Variants in GRID2 observed in about 807,000 individuals in gnomAD.
The protein encoded by GRID2 is glutamate ionotropic receptor delta type subunit 2.
In GRID2, 33 loss-of-function variants were observed where a neutral mutation model predicts 114.8. The ratio of observed to expected loss-of-function variants is 0.29; its 90% CI spans 0.22 to 0.38. The LOEUF (loss-of-function observed/expected upper bound fraction) is 0.38, where lower values mean the gene tolerates loss of function less well. Among genes scored for constraint, GRID2 ranks in the 10% least tolerant of loss-of-function variants. GRID2 has a pLI of 1.00. For missense variants in GRID2, 1,184 were observed against 1,257.7 expected, an observed-to-expected ratio of 0.94 and a Z score of 0.89; for synonymous variants, 505 against 449.9, an observed-to-expected ratio of 1.12 and a Z score of -1.55.
chr4:93,211,967 A>AGT (rs1743536665), intron 5 of GRID2, among the ~76,000 whole-genome samples: 1 of 65,708 alleles, frequency 1.5e-5, no homozygotes, highest in East Asian at 3.6e-4. Context: ...TCAGAAAATG[A>AGT]CTTACATTTT....
intron 2 of GRID2, among the ~76,000 whole-genome samples, chr4:92,771,164 T>C (rs1333362648): frequency 1.3e-5 from 2 of 152,208 alleles, no homozygotes; most frequent in Non-Finnish European, 2.9e-5. Flanking sequence ...ACATTCTTTA[T>C]TAATCTCAGA....
intron 8 of GRID2, among the ~76,000 whole-genome samples, chr4:93,264,095 C>G (rs530699265): frequency 6.6e-6 from 1 of 152,284 alleles, no homozygotes; most frequent in South Asian, 2.1e-4. Flanking sequence ...TGTAGGGCTT[C>G]TATGTTGAAC....
chr4:92,697,574 T>G (rs940726907), intron 2 of GRID2, among the ~76,000 whole-genome samples: 25 of 152,156 alleles, frequency 1.6e-4, no homozygotes, highest in Non-Finnish European at 1.9e-4. Context: ...GGGAGTCTTT[T>G]GTAGTAATAT....
At chr4:92,629,563 C>G (rs1307306116) in intron 2 of GRID2, among the ~76,000 whole-genome samples, 2 of 151,950 alleles carry the variant, frequency 1.3e-5, no homozygotes, top group African/African-American at 2.4e-5. Context: ...TTCTTTCTGT[C>G]AGACACAATT....
chr4:93,491,516 C>T (rs1199426348), intron 12 of GRID2, among the ~76,000 whole-genome samples: 1 of 151,882 alleles, frequency 6.6e-6, no homozygotes, highest in African/African-American at 2.4e-5. Context: ...ATAAGATCAA[C>T]ACCACAGTAT....
intron 1 of GRID2, among the ~76,000 whole-genome samples, chr4:92,512,048 T>A (rs916372545): frequency 1.6e-5 from 1 of 63,026 alleles, no homozygotes; most frequent in African/African-American, 5.6e-5. Flanking sequence ...GACCATTCTA[T>A]TTTTTTTTTT....
At chr4:93,416,859 T>C (rs1767762497) in intron 9 of GRID2, among the ~76,000 whole-genome samples, 1 of 152,090 alleles carries the variant, frequency 6.6e-6, no homozygotes, top group African/African-American at 2.4e-5. Context: ...AACACCCTTT[T>C]CTACAAGCAG....
chr4:93,327,895 C>T (rs768687862), intron 8 of GRID2, among the ~76,000 whole-genome samples: 60 of 152,098 alleles, frequency 3.9e-4, no homozygotes, highest in African/African-American at 1.1e-3. Flanking sequence ...TATAAATAGA[C>T]GTGCCCACTA....
rs60281653 is a variant in GRID2 at position 93,028,483 on chromosome 4, T to A, written c.245-56512T>A. The stretch of plus-strand genomic sequence containing the variant: ...AAAGGTAAATTACCTAGCGCCTTTA[T>A]AAGGAAGAGTGAAATAATAAATCAT... On this transcript the variant is annotated intron_variant, in intron 2 of 15. Transcript: ENST00000282020. Among the ~76,000 whole-genome samples the A allele has an allele frequency of 9.8e-3, 1,486 of 152,088 alleles. 28 individuals are homozygous for A. The highest frequency in any genetic ancestry group is 0.034 in the African/African-American group (1,404 of 41,488).
intron 1 of GRID2, among the ~76,000 whole-genome samples, chr4:92,485,711 G>A (rs1722852714): frequency 1.3e-5 from 2 of 151,536 alleles, no homozygotes; most frequent in African/African-American, 2.4e-5. Flanking sequence ...AAAGAAAAAT[G>A]AGAGAGAGAA....
intron 1 of GRID2, among the ~76,000 whole-genome samples, chr4:92,457,304 A>G (rs967824925): frequency 6.6e-6 from 1 of 152,088 alleles, no homozygotes; most frequent in Admixed American, 6.6e-5. Flanking sequence ...TGCTGTTTTT[A>G]TAGCACTTTT....
At chr4:92,335,519 A>G (rs1727120499) in intron 1 of GRID2, among the ~76,000 whole-genome samples, 1 of 152,226 alleles carries the variant, frequency 6.6e-6, no homozygotes, top group African/African-American at 2.4e-5. Context: ...GAAGCTGCTG[A>G]ATCTCAATTA....
At chr4:93,465,404 C>T (rs368872916) in intron 11 of GRID2, among the ~76,000 whole-genome samples, 1 of 152,276 alleles carries the variant, frequency 6.6e-6, no homozygotes, top group Non-Finnish European at 1.5e-5. Context: ...AACTAAACTA[C>T]TCTTTTCATG....
chr4:92,584,466 A>C (rs1728328962), intron 1 of GRID2, among the ~76,000 whole-genome samples: 1 of 151,984 alleles, frequency 6.6e-6, no homozygotes, highest in South Asian at 2.1e-4. Flanking sequence ...CAGAACTGTA[A>C]ATCCTACTGT....
At chr4:92,677,425 A>G (rs568726393) in intron 2 of GRID2, among the ~76,000 whole-genome samples, 3 of 152,302 alleles carry the variant, frequency 2.0e-5, no homozygotes, top group East Asian at 1.9e-4. Context: ...GTTAAATTTA[A>G]TAACTCTTAG....
At chr4:92,590,764 C>G (rs760239337) in intron 2 of GRID2, among the ~76,000 whole-genome samples, 1 of 152,130 alleles carries the variant, frequency 6.6e-6, no homozygotes, top group African/African-American at 2.4e-5. Flanking sequence ...TACTGACCTA[C>G]GCTATAAATT....
intron 2 of GRID2, among the ~76,000 whole-genome samples, chr4:92,695,692 C>A (rs1734395212): frequency 1.3e-5 from 2 of 152,056 alleles, no homozygotes; most frequent in South Asian, 4.1e-4. Context: ...GTTTTGTAAT[C>A]TCCTCTTTTC....
chr4:93,310,591 A>C (rs1402880984), intron 8 of GRID2, among the ~76,000 whole-genome samples: 1 of 152,168 alleles, frequency 6.6e-6, no homozygotes, highest in Non-Finnish European at 1.5e-5. Flanking sequence ...TTGTGTGGAA[A>C]ATCCTTAAAT....
At chr4:93,602,625 T>TG (rs1739801578) in intron 13 of GRID2, among the ~76,000 whole-genome samples, 1 of 152,186 alleles carries the variant, frequency 6.6e-6, no homozygotes, top group Non-Finnish European at 1.5e-5. Flanking sequence ...AATCAGTAAA[T>TG]GTGTTTGTTC....
Sources: gnomAD v4.1 joint callset for allele counts (sites outside exome capture counted in the v4.1 genomes callset) on GRCh38, gnomAD v4.1.1 for gene constraint, MANE v1.5 for transcripts, NCBI Gene and HGNC (gene_info 2026-07-23, HGNC 2026-07-21) for gene names.